Variants in CASD1 observed in about 807,000 individuals in gnomAD.
CASD1 encodes the protein CAS1 domain sialic acid O acetyltransferase 1.
A neutral mutation model predicts 100.0 loss-of-function variants in CASD1; 41 were observed. The ratio of observed to expected loss-of-function variants is 0.41; its 90% CI spans 0.32 to 0.53. CASD1 has a LOEUF of 0.53. CASD1 is among the 20% of genes least tolerant of loss of function. CASD1 has a pLI of 0.25. For missense variants in CASD1, 774 were observed against 948.7 expected (o/e 0.82, Z 2.42); for synonymous variants, 321 against 315.6 (o/e 1.02, Z -0.18).
intron 13 of CASD1, among the ~76,000 whole-genome samples, chr7:94,549,043 T>G (rs563045278): frequency 7.9e-5 from 12 of 152,070 alleles, no homozygotes; most frequent in Non-Finnish European, 1.0e-4. Flanking sequence ...AATAGTTAAT[T>G]GTAGATTATT....
At chr7:94,546,990 A>G in intron 12 of CASD1, 106 bp from the exon 13 acceptor site, 2 of 618,816 alleles carry the variant, frequency 3.2e-6, no homozygotes, top group Non-Finnish European at 5.2e-6. Context: ...GCATTCTTAT[A>G]TTATTTTAAG....
chr7:94,562,969 C>A, the CASD1 span, among the ~76,000 whole-genome samples: 5 of 151,818 alleles, frequency 3.3e-5, no homozygotes, highest in Admixed American at 2.6e-4. Context: ...TTTTCCTGGC[C>A]CTTCAGAAAA....
At chr7:94,572,094 A>G in the CASD1 span, among the ~76,000 whole-genome samples, 1 of 152,268 alleles carries the variant, frequency 6.6e-6, no homozygotes, top group Admixed American at 6.5e-5. Flanking sequence ...GGATGCCCTT[A>G]ACATTTTTTC....
At chr7:94,561,715 T>G (rs1038300293), downstream of CASD1, among the ~76,000 whole-genome samples, 9 of 152,110 alleles carry the variant, frequency 5.9e-5, no homozygotes, top group Non-Finnish European at 1.3e-4. Flanking sequence ...CAGCTTAATG[T>G]CTCATTAAGA....
chr7:94,623,377 G>A, the CASD1 span: 2 of 1,604,840 alleles, frequency 1.2e-6, no homozygotes, highest in African/African-American at 1.3e-5. Flanking sequence ...TCTCAAAGGT[G>A]CGCCTGTTGT....
chr7:94,592,583 A>G, the CASD1 span, among the ~76,000 whole-genome samples: 1 of 152,214 alleles, frequency 6.6e-6, no homozygotes, highest in Non-Finnish European at 1.5e-5. Context: ...GCATTTAAAT[A>G]GAAAATTGTG....
At chr7:94,550,410 TC>T in intron 14 of CASD1, among the ~76,000 whole-genome samples, 1 of 152,168 alleles carries the variant, frequency 6.6e-6, no homozygotes, top group Non-Finnish European at 1.5e-5. Context: ...GCTAAAGTCT[TC>T]ACATCAAATA....
intron 10 of CASD1, among the ~76,000 whole-genome samples, chr7:94,540,348 A>G (rs1371641004): frequency 6.6e-6 from 1 of 152,200 alleles, no homozygotes; most frequent in Non-Finnish European, 1.5e-5. Context: ...TTGCCCAGAA[A>G]GGAGTATTTT....
chr7:94,630,218 A>G, the CASD1 span, among the ~76,000 whole-genome samples: 1 of 151,926 alleles, frequency 6.6e-6, no homozygotes, highest in African/African-American at 2.4e-5. Context: ...TAATTGCTAC[A>G]GATTTTTTTC....
the CASD1 span, among the ~76,000 whole-genome samples, chr7:94,632,127 T>C: frequency 3.3e-5 from 5 of 152,178 alleles, no homozygotes; most frequent in Admixed American, 1.3e-4. Context: ...TCATCCTTCA[T>C]TGACATTATA....
the CASD1 span, chr7:94,621,788 G>A: frequency 6.6e-6 from 1 of 152,208 alleles, no homozygotes; most frequent in African/African-American, 2.4e-5. Context: ...CAGCATGTAA[G>A]CATCCAATCA....
intron 5 of CASD1, among the ~76,000 whole-genome samples, chr7:94,530,065 A>G (rs1027985155): frequency 2.0e-5 from 3 of 152,192 alleles, no homozygotes; most frequent in African/African-American, 7.2e-5. Context: ...TCAAAGAGCT[A>G]GATGAATAAC....
chr7:94,599,711 G>A, the CASD1 span: 1 of 1,608,506 alleles, frequency 6.2e-7, no homozygotes, highest in Non-Finnish European at 8.5e-7. Context: ...GTGTTTGCAT[G>A]TTTCTCTTTT....
At chr7:94,627,908 G>C in the CASD1 span, 1 of 338,948 alleles carries the variant, frequency 3.0e-6, no homozygotes, top group Non-Finnish European at 5.5e-6. Context: ...AGTCTATCAA[G>C]TCTACAATTA....
chr7:94,543,568 T>TCCCAGC (rs1795525277), intron 10 of CASD1, among the ~76,000 whole-genome samples: 1 of 151,826 alleles, frequency 6.6e-6, no homozygotes, highest in East Asian at 1.9e-4. Flanking sequence ...GGCAGGAGAA[T>TCCCAGC]TATTTGAATC....
chr7:94,554,568 C>T lies in CASD1; in HGVS notation c.2120C>T (p.Ser707Leu). ...SSFFAWFGKI[S>L]LELFICQYHI... ...TTTTTTGCTTGGTTTGGAAAAATTT[C>T]ATTAGAGGTTGGTACATTAATATTT... The change falls in exon 17 of 18, where the codon TCA becomes TTA. Residue 707 changes from serine (S) to leucine (L), a missense_variant. Physicochemically the swap from Ser to Leu is moderately radical, Grantham distance 145 (BLOSUM62 -2). Around this residue, in one of 5 missense-constraint regions of CASD1, gnomAD observed 175 missense variants for 206.9 expected, o/e 0.85. Transcript: ENST00000297273. 6.2e-7 allele frequency: 1 copy of T among 1,601,370 alleles called. No individual in the cohort carries two copies. Among genetic ancestry groups the T allele is most frequent in the Non-Finnish European group, 8.6e-7 (1 of 1,169,252 alleles).
the CASD1 span, chr7:94,620,660 A>G: frequency 6.6e-6 from 1 of 152,246 alleles, no homozygotes; most frequent in Non-Finnish European, 1.5e-5. Context: ...TTTTACATCC[A>G]GTTTTCTTAA....
At chr7:94,619,524 T>C in the CASD1 span, 1 of 152,436 alleles carries the variant, frequency 6.6e-6, no homozygotes, top group South Asian at 2.1e-4. Context: ...CAACCCCATG[T>C]CAAATTCAGC....
chr7:94,557,034 A>G (rs1796233054), downstream of CASD1: 2 of 152,062 alleles, frequency 1.3e-5, no homozygotes, highest in African/African-American at 4.8e-5. Context: ...GGATCCATTC[A>G]TGATTGGTTC....
Sources: gnomAD v4.1 joint callset for allele counts (sites outside exome capture counted in the v4.1 genomes callset) on GRCh38, gnomAD v4.1.1 for gene constraint, gnomAD v4.1.1 regional missense constraint, MANE v1.5 for transcripts, NCBI Gene and HGNC (gene_info 2026-07-23, HGNC 2026-07-21) for gene names.